MYT1L: variants seen among roughly 807,000 people sequenced by gnomAD.
The protein encoded by MYT1L is myelin transcription factor 1 like, also known as myelin transcription factor 1-like protein.
In MYT1L, 12 loss-of-function variants were observed where a neutral mutation model predicts 126.7. The ratio of observed to expected loss-of-function variants is 0.09; its 90% CI spans 0.06 to 0.15. The LOEUF is 0.15. Ranked by LOEUF, MYT1L falls within the 10% of genes least tolerant of loss-of-function variation. The pLI, the probability that MYT1L is intolerant of heterozygous loss-of-function variation, is 1.00. For synonymous variants in MYT1L, 541 were observed against 604.2 expected, an observed-to-expected ratio of 0.90 and a Z score of 1.53; for missense variants, 979 against 1,585.2, an observed-to-expected ratio of 0.62 and a Z score of 6.49.
chr2:2,278,709 T>C (rs1489906880), intron 2 of MYT1L, among the ~76,000 whole-genome samples: 2 of 152,246 alleles, frequency 1.3e-5, no homozygotes, highest in African/African-American at 4.8e-5. Context: ...ATGTTTTAAA[T>C]AGTTGATGCT....
At chr2:2,235,793 T>C (rs2094282292) in intron 2 of MYT1L, among the ~76,000 whole-genome samples, 1 of 152,174 alleles carries the variant, frequency 6.6e-6, no homozygotes, top group South Asian at 2.1e-4. Flanking sequence ...TTTACTTCTA[T>C]ATTTTTATAA....
chr2:1,924,431 A>C (rs1299180639), intron 9 of MYT1L, among the ~76,000 whole-genome samples: 1 of 152,214 alleles, frequency 6.6e-6, no homozygotes, highest in Admixed American at 6.5e-5. Flanking sequence ...ATCCAGAGTA[A>C]GAAAAATGTC....
At chr2:2,300,476 C>T (rs1001359846) in intron 1 of MYT1L, among the ~76,000 whole-genome samples, 3 of 152,142 alleles carry the variant, frequency 2.0e-5, no homozygotes, top group Non-Finnish European at 2.9e-5. Context: ...GTGAACATGG[C>T]GAGAATCTCT....
intron 23 of MYT1L, among the ~76,000 whole-genome samples, chr2:1,795,918 C>A (rs2033378082): frequency 6.6e-6 from 1 of 152,162 alleles, no homozygotes; most frequent in African/African-American, 2.4e-5. Context: ...CTCAGCGTTT[C>A]TTAGATTGCG....
intron 21 of MYT1L, among the ~76,000 whole-genome samples, chr2:1,818,442 C>CT (rs1434438971): frequency 1.3e-5 from 2 of 152,200 alleles, no homozygotes; most frequent in African/African-American, 4.8e-5. Context: ...CCCTATTCCA[C>CT]TGCTACTATT....
chr2:2,185,555 C>G (rs1275104690), intron 2 of MYT1L, among the ~76,000 whole-genome samples: 66 of 131,140 alleles, frequency 5.0e-4, no homozygotes, highest in Non-Finnish European at 7.9e-4. Context: ...CGGGCCTCCT[C>G]GAGTCCCGCG....
chr2:2,023,333 C>T (rs1406390517), intron 4 of MYT1L, among the ~76,000 whole-genome samples: 1 of 152,200 alleles, frequency 6.6e-6, no homozygotes, highest in Non-Finnish European at 1.5e-5. Context: ...ACAGAATGTC[C>T]ATTAGAGAAG....
intron 1 of MYT1L, chr2:2,326,556 A>T (rs1021578274): frequency 6.7e-6 from 1 of 150,018 alleles, no homozygotes; most frequent in Non-Finnish European, 1.5e-5. Context: ...AGACTAAAAT[A>T]TTCCCCCCCG....
intron 1 of MYT1L, among the ~76,000 whole-genome samples, chr2:2,292,470 G>A (rs1439397394): frequency 6.6e-6 from 1 of 152,172 alleles, no homozygotes; most frequent in Non-Finnish European, 1.5e-5. Flanking sequence ...ATTTTCTTGT[G>A]GATGTCAGGA....
chr2:2,110,761 C>A (rs2079335402), intron 3 of MYT1L, among the ~76,000 whole-genome samples: 1 of 152,134 alleles, frequency 6.6e-6, no homozygotes. Flanking sequence ...GTCATGGGGC[C>A]CCTGGAAGCA....
intron 4 of MYT1L, among the ~76,000 whole-genome samples, chr2:2,004,351 GTGCC>G (rs2062874049): frequency 1.5e-5 from 1 of 65,880 alleles, no homozygotes; most frequent in African/African-American, 6.5e-5. Context: ...TCTTTCCTGC[GTGCC>G]TTCTTTCCTG....
intron 18 of MYT1L, among the ~76,000 whole-genome samples, chr2:1,863,893 G>A (rs552121921): frequency 1.2e-4 from 19 of 152,338 alleles, no homozygotes; most frequent in Admixed American, 5.2e-4. Context: ...ACTCCCTCTC[G>A]GGAGGAGCCT....
At chr2:1,877,364 T>C (rs2148762280) in intron 18 of MYT1L, among the ~76,000 whole-genome samples, 1 of 152,180 alleles carries the variant, frequency 6.6e-6, no homozygotes, top group South Asian at 2.1e-4. Context: ...AATGCAAACA[T>C]ATCTGTGAGA....
chr2:1,857,970 C>A (rs2148589074), intron 18 of MYT1L, among the ~76,000 whole-genome samples: 1 of 152,150 alleles, frequency 6.6e-6, no homozygotes, highest in African/African-American at 2.4e-5. Flanking sequence ...TCAAGTGATT[C>A]TCCTGTCTCA....
chr2:2,181,612 G>A (rs1343344601), intron 2 of MYT1L, among the ~76,000 whole-genome samples: 1 of 152,114 alleles, frequency 6.6e-6, no homozygotes, highest in Non-Finnish European at 1.5e-5. Context: ...GTGTACTTAA[G>A]GCCCTTCATC....
intron 3 of MYT1L, among the ~76,000 whole-genome samples, chr2:2,153,157 G>C (rs1321923070): frequency 1.3e-5 from 2 of 152,184 alleles, no homozygotes; most frequent in Non-Finnish European, 2.9e-5. Flanking sequence ...CAATTAGCCA[G>C]ATGTGGTGGT....
chr2:2,249,938 T>G (rs189482643), intron 2 of MYT1L, among the ~76,000 whole-genome samples: 1 of 152,202 alleles, frequency 6.6e-6, no homozygotes, highest in African/African-American at 2.4e-5. Context: ...CATTACTGAT[T>G]ATCAGAGAAA....
At chr2:1,998,361 G>C (rs1383764116) in intron 4 of MYT1L, among the ~76,000 whole-genome samples, 1 of 152,150 alleles carries the variant, frequency 6.6e-6, no homozygotes, top group East Asian at 1.9e-4. Flanking sequence ...TTCCTCATTA[G>C]AGCAACAGGA....
intron 18 of MYT1L, among the ~76,000 whole-genome samples, chr2:1,854,555 T>C (rs1032981399): frequency 7.9e-5 from 12 of 152,180 alleles, no homozygotes; most frequent in Admixed American, 7.2e-4. Flanking sequence ...GTAAAAAAAG[T>C]TTTTAAAATG....
Sources: gnomAD v4.1 joint callset for allele counts (sites outside exome capture counted in the v4.1 genomes callset) on GRCh38, gnomAD v4.1.1 for gene constraint, MANE v1.5 for transcripts, NCBI Gene and HGNC (gene_info 2026-07-23, HGNC 2026-07-21) for gene names.